EGFLAM: variants seen among roughly 807,000 people sequenced by gnomAD.
EGFLAM encodes pikachurin.
In EGFLAM, 79 loss-of-function variants were observed where a neutral mutation model predicts 113.1. The observed-to-expected ratio is 0.70, with a 90% CI of 0.58 to 0.84. The LOEUF (loss-of-function observed/expected upper bound fraction) is 0.84, where lower values mean the gene tolerates loss of function less well. Among genes scored for constraint, EGFLAM ranks in the 40% least tolerant of loss-of-function variants. The pLI is 0.00. For missense variants in EGFLAM, 1,265 were observed against 1,291.6 expected (o/e 0.98, Z 0.32); for synonymous variants, 504 against 487.6 (o/e 1.03, Z -0.44).
At chr5:38,463,767 C>T (rs534048233) in intron 21 of EGFLAM, 65 bp from the exon 22 acceptor site, 1 of 1,588,530 alleles carries the variant, frequency 6.3e-7, no homozygotes, top group South Asian at 1.1e-5. Context: ...CAAACTGGAA[C>T]CCCGACCTTG....
chr5:38,435,084 T>C (rs1023990681), intron 15 of EGFLAM, 53 bp from the exon 16 acceptor site: 2 of 1,497,890 alleles, frequency 1.3e-6, no homozygotes, highest in Non-Finnish European at 1.9e-6. Context: ...ATTTGATCAT[T>C]TTGAACATCT....
At chr5:38,326,955 C>T (rs1219177514) in intron 1 of EGFLAM, among the ~76,000 whole-genome samples, 19 of 151,896 alleles carry the variant, frequency 1.3e-4, no homozygotes, top group Admixed American at 1.2e-3. Context: ...TGCGACACCA[C>T]GCCTGGCTAA....
In EGFLAM at chr5:38,365,438, G is replaced by A. The variant is rs183165107; in HGVS notation, c.546-4858G>A. Among the ~76,000 whole-genome samples, 471 of 152,278 alleles carry A rather than the reference G, an allele frequency of 3.1e-3. 3 individuals carry two copies. Among genetic ancestry groups the A allele is most frequent in the Middle Eastern group, 0.01 (3 of 294 alleles). ...AGGTTGAACAGGCTTCATTTGCCAT[G>A]TGTTGGTGTTGAATTCAAGTTCAAG... On this transcript the variant is annotated intron_variant, in intron 5 of 21. Coordinates refer to ENST00000322350, the MANE Select transcript of EGFLAM (RefSeq NM_152403.4).
chr5:38,447,360 T>G (rs1001241962), intron 17 of EGFLAM, among the ~76,000 whole-genome samples: 3 of 152,176 alleles, frequency 2.0e-5, no homozygotes, highest in Non-Finnish European at 2.9e-5. Context: ...AGGCAAATCC[T>G]CCATGCTTTC....
At chr5:38,267,060 A>C (rs578117773) in intron 1 of EGFLAM, among the ~76,000 whole-genome samples, 2 of 152,230 alleles carry the variant, frequency 1.3e-5, no homozygotes, top group Non-Finnish European at 2.9e-5. Context: ...AACAATAGTC[A>C]TAGTAATTAT....
chr5:38,416,628 T>G (rs886783792), intron 11 of EGFLAM, among the ~76,000 whole-genome samples: 1 of 152,188 alleles, frequency 6.6e-6, no homozygotes, highest in Admixed American at 6.5e-5. Flanking sequence ...CAAGGCACTT[T>G]ATGCTCTAGA....
chr5:38,354,131 G>A (rs1303567891), intron 5 of EGFLAM, among the ~76,000 whole-genome samples: 1 of 152,106 alleles, frequency 6.6e-6, no homozygotes, highest in Non-Finnish European at 1.5e-5. Flanking sequence ...GAAAAGAGGG[G>A]AACAGAGTCT....
At position 38,280,505 on chromosome 5, in the gene EGFLAM, C is replaced by T. The variant is rs73750664; in HGVS notation, c.97+21654C>T. Among the ~76,000 whole-genome samples, 1,024 of 152,266 alleles carry T rather than the reference C, an allele frequency of 6.7e-3. 12 individuals carry two copies. The highest frequency in any genetic ancestry group is 0.024 in the African/African-American group (989 of 41,544). ...TTTGTTTCTTTTCCCCACTTCCCCC[C>T]GATTCCTCTCTCCTTTAGTACAGCT... On this transcript the variant is annotated intron_variant, in intron 1 of 21. Coordinates refer to ENST00000322350, the MANE Select transcript of EGFLAM (RefSeq NM_152403.4).
At chr5:38,298,746 G>A (rs986861724) in intron 1 of EGFLAM, among the ~76,000 whole-genome samples, 1 of 151,836 alleles carries the variant, frequency 6.6e-6, no homozygotes, top group Non-Finnish European at 1.5e-5. Flanking sequence ...TATCACCCAG[G>A]CTGGAGTGCA....
intron 5 of EGFLAM, among the ~76,000 whole-genome samples, chr5:38,360,580 G>C (rs1739893300): frequency 6.6e-6 from 1 of 152,166 alleles, no homozygotes; most frequent in Admixed American, 6.5e-5. Context: ...TAAGCTGTGT[G>C]ATCTTTGGTG....
chr5:38,381,494 G>A (rs1740512935), intron 6 of EGFLAM, among the ~76,000 whole-genome samples: 1 of 152,170 alleles, frequency 6.6e-6, no homozygotes, highest in Admixed American at 6.5e-5. Flanking sequence ...CTTTTCTAGG[G>A]ATCTCAGTAG....
At chr5:38,413,263 A>G (rs1338493909) in intron 11 of EGFLAM, among the ~76,000 whole-genome samples, 1 of 142,902 alleles carries the variant, frequency 7.0e-6, no homozygotes, top group Non-Finnish European at 1.5e-5. Flanking sequence ...TCCTGGATGC[A>G]AGCGATTCTC....
chr5:38,446,887 A>G (rs527426186), intron 17 of EGFLAM, among the ~76,000 whole-genome samples: 2 of 152,198 alleles, frequency 1.3e-5, no homozygotes, highest in African/African-American at 2.4e-5. Context: ...ACGAATTTTC[A>G]TAGTATCAAA....
At chr5:38,318,595 C>T (rs1156399081) in intron 1 of EGFLAM, among the ~76,000 whole-genome samples, 1 of 151,936 alleles carries the variant, frequency 6.6e-6, no homozygotes, top group Non-Finnish European at 1.5e-5. Context: ...ATCCCTTCCA[C>T]CTCCCAGGTT....
intron 8 of EGFLAM, among the ~76,000 whole-genome samples, 174 bp downstream of exon 8, chr5:38,407,320 T>C (rs1741322356): frequency 6.6e-6 from 1 of 152,252 alleles, no homozygotes; most frequent in African/African-American, 2.4e-5. Context: ...GCAACTTTCA[T>C]TGCTTCTAAG....
chr5:38,322,856 C>T (rs1474030234), intron 1 of EGFLAM, among the ~76,000 whole-genome samples: 1 of 152,142 alleles, frequency 6.6e-6, no homozygotes, highest in Non-Finnish European at 1.5e-5. Context: ...CCTGCTGCTC[C>T]TTAGTGACTG....
intron 1 of EGFLAM, among the ~76,000 whole-genome samples, chr5:38,291,911 T>C (rs1413582390): frequency 2.6e-5 from 4 of 152,234 alleles, no homozygotes; most frequent in African/African-American, 7.2e-5. Context: ...TAGATTTCTA[T>C]TGCACTGCAG....
chr5:38,397,139 G>A (rs948030908), intron 6 of EGFLAM, among the ~76,000 whole-genome samples: 2 of 152,208 alleles, frequency 1.3e-5, no homozygotes, highest in Non-Finnish European at 1.5e-5. Context: ...GGTCAAATAA[G>A]AGTTTCATGA....
chr5:38,367,876 T>C (rs1274363417), intron 5 of EGFLAM, among the ~76,000 whole-genome samples: 1 of 152,226 alleles, frequency 6.6e-6, no homozygotes, highest in Non-Finnish European at 1.5e-5. Context: ...TGAACAGGCA[T>C]TCAATCTGCA....
Sources: allele counts gnomAD v4.1 joint callset (sites outside exome capture counted in the v4.1 genomes callset), GRCh38; gene constraint gnomAD v4.1.1; transcripts MANE v1.5; gene names NCBI Gene and HGNC (gene_info 2026-07-23, HGNC 2026-07-21).